The following EXTL1 variants were observed in gnomAD, a reference collection of about 807,000 sequenced individuals.
EXTL1 encodes the protein exostosin like glycosyltransferase 1.
In EXTL1, 43 loss-of-function variants were observed where a neutral mutation model predicts 64.6. That is an observed-to-expected ratio of 0.67 (90% CI 0.52 to 0.86). The LOEUF (loss-of-function observed/expected upper bound fraction) is 0.86. Ranked by LOEUF, EXTL1 falls within the 40% of genes least tolerant of loss-of-function variation. The probability of loss-of-function intolerance (pLI) is 0.00; values close to 1 mark genes in which losing one functional copy is unlikely to be tolerated. For missense variants in EXTL1, 766 were observed against 879.0 expected (o/e 0.87, Z 1.62); for synonymous variants, 352 against 360.5 (o/e 0.98, Z 0.27).
At chr1:26,028,408 G>T (rs2050241265) in intron 1 of EXTL1, among the ~76,000 whole-genome samples, 1 of 152,210 alleles carries the variant, frequency 6.6e-6, no homozygotes, top group Admixed American at 6.5e-5. Context: ...AACTGAGGAG[G>T]GTCCTAGTAC....
At chr1:26,027,078 C>T (rs2050224604) in intron 1 of EXTL1, among the ~76,000 whole-genome samples, 1 of 152,210 alleles carries the variant, frequency 6.6e-6, no homozygotes, top group Admixed American at 6.5e-5. Flanking sequence ...CCTAGTGTCT[C>T]ACTGAGCATT....
intron 5 of EXTL1, 26 bp from the exon 6 acceptor site, chr1:26,031,434 T>A: frequency 1.4e-6 from 2 of 1,437,426 alleles, no homozygotes; most frequent in East Asian, 4.9e-5. Context: ...CCTCCCACTC[T>A]AATAGCCTGT....
In EXTL1 at chr1:26,031,132, G is replaced by A. The variant is rs773766014; in HGVS notation, c.1102G>A (p.Val368Ile). ...CTGCTCAGCTTCTCTCTCATTTTAG[G>A]TTATTCAGGACCGGATTTTTGGAAC... ...VEKVIHTTLE[V>I]IQDRIFGTSA... Residue 368 changes from valine to isoleucine, a missense_variant and splice_region_variant, in exon 5 of 11, where the codon GTT (valine) becomes ATT (isoleucine). Coordinates refer to ENST00000374280, the MANE Select transcript of EXTL1 (RefSeq NM_004455.3). The A allele has an allele frequency of 1.2e-6, 2 of 1,614,040 alleles. No individual in the cohort carries two copies. The highest frequency in any genetic ancestry group is 1.7e-6 in the Non-Finnish European group (2 of 1,179,988).
At chr1:26,031,970 G>A (rs1414055206) in intron 6 of EXTL1, among the ~76,000 whole-genome samples, 1 of 152,188 alleles carries the variant, frequency 6.6e-6, no homozygotes, top group East Asian at 1.9e-4. Context: ...AGATTAATAA[G>A]AGTCCTTGTA....
intron 1 of EXTL1, among the ~76,000 whole-genome samples, chr1:26,026,837 G>A (rs1362275333): frequency 6.6e-6 from 1 of 152,144 alleles, no homozygotes; most frequent in East Asian, 1.9e-4. Context: ...GGTCACAGAA[G>A]CCTAAGACTT....
At position 26,034,681 on chromosome 1, in the gene EXTL1, A is replaced by G. The variant is rs2050320070; in HGVS notation, c.1680-155A>G. 6.6e-6 allele frequency among the ~76,000 whole-genome samples: 1 copy of G among 152,094 alleles called. No homozygotes were observed. Among genetic ancestry groups the G allele is most frequent in the Non-Finnish European group, 1.5e-5 (1 of 67,994 alleles). ...AGCCACGGGGCACAGCACAATGGAG[A>G]GCTGTTCACGCCAGGGATGGGAGCT... On this transcript the variant is annotated intron_variant, in intron 9 of 10. Transcript: ENST00000374280. The surrounding 1 kb of genome is among the most constrained non-coding windows in gnomAD (Gnocchi z 4.6).
At position 26,034,941 on chromosome 1, in the gene EXTL1, A is replaced by G. The variant is rs774303964; in HGVS notation, c.1785A>G (p.Ala595=). The part of the protein sequence containing the change: ...VDVLMNFIVA[A]VTKLPPIKVP... ...TCCTGATGAATTTCATAGTAGCAGC[A>G]GTCACCAAGCTGCCCCCTATCAAGG... Residue 595 remains alanine, a synonymous_variant, in exon 10 of 11, where the codon GCA becomes GCG. Transcript: ENST00000374280. This position sits in a 1 kb window ranked among gnomAD's most constrained non-coding sequence, Gnocchi z 4.6. 4 of 1,614,214 alleles carry G rather than the reference A, an allele frequency of 2.5e-6. No homozygotes were observed. The highest frequency in any genetic ancestry group is 3.4e-6 in the Non-Finnish European group (4 of 1,180,026).
chr1:26,024,976 G>A (rs1457793448), intron 1 of EXTL1, among the ~76,000 whole-genome samples: 2 of 152,156 alleles, frequency 1.3e-5, no homozygotes, highest in Admixed American at 6.5e-5. Context: ...GGCCAGAGCC[G>A]GCCACGGTTT....
Position 26,030,509 on chromosome 1 carries a change from C to T in EXTL1, c.1015C>T (p.Arg339Trp), listed in dbSNP as rs754241897. 1.8e-5 allele frequency: 29 copies of T among 1,613,182 alleles called. No individual in the cohort carries two copies. Among genetic ancestry groups the T allele is most frequent in the South Asian group, 6.6e-5 (6 of 91,038 alleles). ...LAALQEMSPA[R>W]VLALRQQTQF... is the part of the protein sequence containing the mutation. ...TGCCCTCCAGGAGATGTCCCCTGCACGGGTCCTCGCCCTGCGTCAGCAGAC... is the reference window on the plus strand; with the variant it reads ...TGCCCTCCAGGAGATGTCCCCTGCATGGGTCCTCGCCCTGCGTCAGCAGAC... Residue 339 changes from arginine (R) to tryptophan (W), a missense_variant, in exon 4 of 11, where the codon CGG (arginine) becomes TGG (tryptophan). By Grantham distance (101) the Arg-to-Trp change is moderately radical (BLOSUM62 -3). Around this residue, in one of 3 missense-constraint regions of EXTL1, gnomAD observed 571 missense variants for 647.6 expected, o/e 0.88. Coordinates refer to ENST00000374280, the MANE Select transcript of EXTL1 (RefSeq NM_004455.3).
intron 1 of EXTL1, among the ~76,000 whole-genome samples, chr1:26,026,098 G>T (rs993280183): frequency 6.6e-6 from 1 of 151,890 alleles, no homozygotes; most frequent in Non-Finnish European, 1.5e-5. Context: ...CATTAGCTGG[G>T]TGTGGTGGTG....
At chr1:26,030,727 G>C in intron 4 of EXTL1, 132 bp downstream of exon 4, 1 of 1,041,698 alleles carries the variant, frequency 9.6e-7, no homozygotes, top group South Asian at 1.8e-5. Flanking sequence ...GGATGAATCT[G>C]AGACTTGGCT....
intron 1 of EXTL1, among the ~76,000 whole-genome samples, chr1:26,027,689 T>TAAAAAAAAAAAA (rs61364586): frequency 5.3e-5 from 3 of 57,062 alleles, no homozygotes; most frequent in Non-Finnish European, 1.1e-4. Flanking sequence ...ACCCCATCTC[T>TAAAAAAAAAAAA]AAAAAAAAAA....
chr1:26,034,220 G>T lies in EXTL1; in HGVS notation c.1679+364G>T, dbSNP rs1032675061. ...AATAGTCCTGATGCTTTATGAATGT[G>T]GATGTTATGAGTTGGGGAACATCCC... On this transcript the variant is annotated intron_variant, in intron 9 of 10. Transcript: ENST00000374280. The surrounding 1 kb of genome is among the most constrained non-coding windows in gnomAD (Gnocchi z 4.6). Among the ~76,000 whole-genome samples the T allele has an allele frequency of 2.6e-5, 4 of 152,202 alleles. No individual in the cohort carries two copies. The highest frequency in any genetic ancestry group is 9.7e-5 in the African/African-American group (4 of 41,450).
intron 1 of EXTL1, among the ~76,000 whole-genome samples, chr1:26,026,150 G>T (rs890220537): frequency 6.7e-6 from 1 of 149,646 alleles, no homozygotes; most frequent in Non-Finnish European, 1.5e-5. Flanking sequence ...GAAGTGAGAG[G>T]ATCGCTTGAG....
At position 26,021,942 on chromosome 1, in the gene EXTL1, G is replaced by A. The variant is rs1214345215; in HGVS notation, c.-705G>A. Reference sequence around the variant, plus strand: ...CCTGAGCTGGTGCAGCGGCAGAGTGGATAAGGATCAGGACCCCGAGCCCTC... The same window carrying A: ...CCTGAGCTGGTGCAGCGGCAGAGTGAATAAGGATCAGGACCCCGAGCCCTC... On this transcript the variant is annotated 5_prime_UTR_variant, in exon 1 of 11. Coordinates refer to ENST00000374280, the MANE Select transcript of EXTL1 (RefSeq NM_004455.3). The A allele has an allele frequency of 6.5e-6, 1 of 152,726 alleles. No homozygotes were observed. The highest frequency in any genetic ancestry group is 1.5e-5 in the Non-Finnish European group (1 of 68,448). 9.5% of individuals were successfully genotyped at this position (152,726 alleles called of 1,614,324 possible). A position where few individuals can be genotyped will look rare whatever the true frequency, so the allele number is the denominator to read the frequency against.
chr1:26,023,939 G>A (rs899932596), intron 1 of EXTL1, among the ~76,000 whole-genome samples: 1 of 152,198 alleles, frequency 6.6e-6, no homozygotes. Context: ...TGAGTTTTAA[G>A]TAAAAGTTTA....
At position 26,029,235 on chromosome 1, in the gene EXTL1, C is replaced by T. The variant is rs956265965; in HGVS notation, c.822C>T (p.Leu274=). The T allele has an allele frequency of 1.2e-6, 2 of 1,613,882 alleles. No individual in the cohort carries two copies. Among genetic ancestry groups the T allele is most frequent in the Non-Finnish European group, 1.7e-6 (2 of 1,179,904 alleles). ...CGCTGCCCAATGCCACCTTCTGCCT[C>T]ATCTCTGGCCACCGTCCCGAGGCTG... ...QETLPNATFC[L]ISGHRPEAAS... The change falls in exon 2 of 11, where the codon CTC becomes CTT. Residue 274 remains leucine (L), a synonymous_variant. Transcript: ENST00000374280.
chr1:26,031,913 T>C (rs1283201917), intron 6 of EXTL1, among the ~76,000 whole-genome samples: 1 of 152,188 alleles, frequency 6.6e-6, no homozygotes, highest in Admixed American at 6.5e-5. Context: ...TGGGTTAGCA[T>C]TTTCCAGCAC....
At chr1:26,031,344 C>T in intron 5 of EXTL1, 80 bp downstream of exon 5, 1 of 1,536,726 alleles carries the variant, frequency 6.5e-7, no homozygotes, top group Admixed American at 1.9e-5. Flanking sequence ...AGAGCCCCAC[C>T]AAGACCCTTT....
Sources: gnomAD v4.1 joint callset for allele counts (sites outside exome capture counted in the v4.1 genomes callset) on GRCh38, gnomAD v4.1.1 for gene constraint, gnomAD v4.1.1 regional missense constraint, Gnocchi (gnomAD v3.1) non-coding constraint, MANE v1.5 for transcripts, NCBI Gene and HGNC (gene_info 2026-07-23, HGNC 2026-07-21) for gene names.